Variants in RIT2 observed in about 807,000 individuals in gnomAD.
The protein encoded by RIT2 is GTP-binding protein Rit2.
A neutral mutation model predicts 23.7 loss-of-function variants in RIT2; 24 were observed. That is an observed-to-expected ratio of 1.01 (90% CI 0.73 to 1.43). The LOEUF is 1.43. Among genes scored for constraint, RIT2 ranks in the 40% most tolerant of loss-of-function variants. RIT2 has a pLI of 0.00. For missense variants in RIT2, 236 were observed against 266.9 expected (o/e 0.88, Z 0.81); for synonymous variants, 107 against 91.1 (o/e 1.17, Z -0.99).
At chr18:42,858,669 A>G (rs923822856) in intron 4 of RIT2, among the ~76,000 whole-genome samples, 2 of 152,208 alleles carry the variant, frequency 1.3e-5, no homozygotes, top group Non-Finnish European at 1.5e-5. Context: ...TATCGCATTC[A>G]AAAGAAACTT....
chr18:43,101,069 C>A (rs1913673115), intron 1 of RIT2, among the ~76,000 whole-genome samples: 1 of 149,574 alleles, frequency 6.7e-6, no homozygotes, highest in African/African-American at 2.5e-5. Context: ...ATATATATAT[C>A]TATATATAAA....
intron 2 of RIT2, among the ~76,000 whole-genome samples, chr18:43,012,754 A>C (rs1911380099): frequency 6.6e-6 from 1 of 151,546 alleles, no homozygotes; most frequent in African/African-American, 2.4e-5. Context: ...TCTTGCACAT[A>C]TATTATCTAA....
At chr18:42,837,496 C>T (rs1906649230) in intron 4 of RIT2, among the ~76,000 whole-genome samples, 1 of 151,888 alleles carries the variant, frequency 6.6e-6, no homozygotes, top group Admixed American at 6.6e-5. Context: ...TGTACTTTCA[C>T]ATTCTATACT....
intron 2 of RIT2, among the ~76,000 whole-genome samples, chr18:43,012,520 T>C (rs1045374962): frequency 5.3e-5 from 8 of 151,728 alleles, no homozygotes; most frequent in African/African-American, 1.9e-4. Context: ...GTTAAGTTTA[T>C]GGAAATAGAA....
At chr18:43,052,464 C>T (rs183895136) in intron 1 of RIT2, among the ~76,000 whole-genome samples, 4 of 152,162 alleles carry the variant, frequency 2.6e-5, no homozygotes, top group African/African-American at 4.8e-5. Context: ...GAATACTTCA[C>T]GGGCTTTATC....
At chr18:42,781,034 C>T (rs959072652) in intron 4 of RIT2, among the ~76,000 whole-genome samples, 1 of 152,034 alleles carries the variant, frequency 6.6e-6, no homozygotes, top group Non-Finnish European at 1.5e-5. Context: ...TGCAGTGAAA[C>T]TTTAAGCACT....
At chr18:42,848,197 C>T (rs1484280874) in intron 4 of RIT2, among the ~76,000 whole-genome samples, 2 of 152,086 alleles carry the variant, frequency 1.3e-5, no homozygotes, top group Non-Finnish European at 2.9e-5. Context: ...AGGCAATTCT[C>T]GCTCCAAAAC....
intron 4 of RIT2, among the ~76,000 whole-genome samples, chr18:42,792,255 C>T (rs1383618716): frequency 2.0e-5 from 3 of 152,072 alleles, no homozygotes; most frequent in African/African-American, 7.2e-5. Flanking sequence ...TATTTGGGTG[C>T]TCTTTGATTT....
intron 4 of RIT2, among the ~76,000 whole-genome samples, chr18:42,772,908 T>C (rs1400086721): frequency 6.6e-6 from 1 of 152,116 alleles, no homozygotes; most frequent in Non-Finnish European, 1.5e-5. Context: ...ACACCAGGTC[T>C]AGTGAGACCT....
chr18:42,751,604 C>T (rs183270742), intron 4 of RIT2, among the ~76,000 whole-genome samples: 1 of 151,798 alleles, frequency 6.6e-6, no homozygotes, highest in Non-Finnish European at 1.5e-5. Context: ...TTTTTTGTAG[C>T]AGGCCGAAGT....
intron 2 of RIT2, among the ~76,000 whole-genome samples, chr18:42,981,200 T>A (rs1910590365): frequency 6.6e-6 from 1 of 152,144 alleles, no homozygotes. Flanking sequence ...CATCTCTTGG[T>A]CTACCTTTTT....
At chr18:42,890,439 T>G in intron 4 of RIT2, among the ~76,000 whole-genome samples, 1 of 151,698 alleles carries the variant, frequency 6.6e-6, no homozygotes, top group East Asian at 1.9e-4. Flanking sequence ...AGAAACTTAA[T>G]TTTTGAAATT....
intron 4 of RIT2, among the ~76,000 whole-genome samples, chr18:42,871,888 C>G (rs1907630036): frequency 6.6e-6 from 1 of 152,160 alleles, no homozygotes; most frequent in Admixed American, 6.5e-5. Flanking sequence ...TCTGGGGACA[C>G]AGGAACCATG....
chr18:43,097,118 G>A (rs1913572331), intron 1 of RIT2, among the ~76,000 whole-genome samples: 1 of 151,886 alleles, frequency 6.6e-6, no homozygotes. Flanking sequence ...GTAGACTAGG[G>A]ATTCTCAAAC....
intron 3 of RIT2, among the ~76,000 whole-genome samples, chr18:42,928,578 G>A (rs1909242902): frequency 1.3e-5 from 2 of 151,834 alleles, no homozygotes; most frequent in Admixed American, 1.3e-4. Context: ...TGTGATTGTT[G>A]TTTCTTTTAT....
At chr18:42,753,162 G>A (rs1310793981) in intron 4 of RIT2, among the ~76,000 whole-genome samples, 1 of 152,166 alleles carries the variant, frequency 6.6e-6, no homozygotes, top group Admixed American at 6.6e-5. Flanking sequence ...AGCTGCTAGT[G>A]GGAAGCGGCA....
intron 2 of RIT2, among the ~76,000 whole-genome samples, chr18:43,019,542 TA>T (rs1300399849): frequency 6.6e-6 from 1 of 151,660 alleles, no homozygotes; most frequent in African/African-American, 2.4e-5. Context: ...ATACCTAACA[TA>T]ATAAAGGCAA....
chr18:43,007,255 T>C (rs1418990550), intron 2 of RIT2, among the ~76,000 whole-genome samples: 1 of 151,688 alleles, frequency 6.6e-6, no homozygotes, highest in Non-Finnish European at 1.5e-5. Flanking sequence ...ATTAAGACTA[T>C]ATGAGGGAGA....
In RIT2 at chr18:42,836,487, A is replaced by T. The variant is rs1906606055; in HGVS notation, c.426+87085T>A. On this transcript the variant is annotated intron_variant, in intron 4 of 4. Transcript: ENST00000326695. ...GAAGACCAGAAGGCAAGAAAACAGC[A>T]GAAAAAAAGGAGGTCAACAGGCAAA... 2.0e-5 allele frequency among the ~76,000 whole-genome samples: 3 copies of T among 152,170 alleles called. No homozygotes were observed. In the South Asian group the frequency reaches 6.2e-4, roughly 31 times the overall value.
Sources: allele counts gnomAD v4.1 joint callset (sites outside exome capture counted in the v4.1 genomes callset), GRCh38; gene constraint gnomAD v4.1.1; transcripts MANE v1.5; gene names NCBI Gene and HGNC (gene_info 2026-07-23, HGNC 2026-07-21).